Variants in NRG3 observed in about 807,000 individuals in gnomAD.
NRG3 encodes pro-neuregulin-3, membrane-bound isoform.
Under a neutral mutation model 66.9 loss-of-function variants are expected in NRG3, and 31 were observed. That is an observed-to-expected ratio of 0.46 (90% CI 0.35 to 0.63). The LOEUF is 0.63. Among genes scored for constraint, NRG3 ranks in the 20% least tolerant of loss-of-function variants. NRG3 has a pLI of 0.00. For missense variants in NRG3, 910 were observed against 878.9 expected (o/e 1.04, Z -0.45); for synonymous variants, 393 against 359.4 (o/e 1.09, Z -1.06).
chr10:82,691,406 C>T (rs989951157), intron 2 of NRG3, among the ~76,000 whole-genome samples: 1 of 152,160 alleles, frequency 6.6e-6, no homozygotes, highest in African/African-American at 2.4e-5. Flanking sequence ...TGTCTGCCTG[C>T]CAACCAGCTG....
intron 1 of NRG3, among the ~76,000 whole-genome samples, chr10:82,327,456 T>C (rs926290769): frequency 2.6e-5 from 4 of 152,194 alleles, no homozygotes; most frequent in African/African-American, 9.7e-5. Flanking sequence ...GCTTTATCTA[T>C]CTATCTTATT....
At chr10:82,047,809 T>C (rs2063380356) in intron 1 of NRG3, among the ~76,000 whole-genome samples, 1 of 152,026 alleles carries the variant, frequency 6.6e-6, no homozygotes, top group South Asian at 2.1e-4. Context: ...GACTGGCAAA[T>C]TGGATAGAGT....
chr10:82,874,562 T>C (rs113621635), intron 4 of NRG3, among the ~76,000 whole-genome samples: 2,699 of 152,248 alleles, frequency 0.018, 35 homozygotes, highest in Middle Eastern at 0.041. Context: ...AAGAGTTTAG[T>C]TTTGCTAGTG....
At chr10:82,331,483 G>A (rs1054787487) in intron 1 of NRG3, among the ~76,000 whole-genome samples, 2 of 152,062 alleles carry the variant, frequency 1.3e-5, no homozygotes, top group Admixed American at 6.6e-5. Context: ...AATTTCAATG[G>A]GAGCCAGGAA....
chr10:82,362,981 AC>A (rs1171740778), intron 2 of NRG3, among the ~76,000 whole-genome samples: 1 of 152,212 alleles, frequency 6.6e-6, no homozygotes, highest in African/African-American at 2.4e-5. Flanking sequence ...AATTGTAAGG[AC>A]CTTGTGAGCA....
intron 2 of NRG3, among the ~76,000 whole-genome samples, chr10:82,569,445 G>A (rs890233459): frequency 6.6e-6 from 1 of 151,542 alleles, no homozygotes; most frequent in Admixed American, 6.6e-5. Flanking sequence ...CAATATTGTT[G>A]GGAGAACCAG....
At chr10:82,162,739 C>T (rs2071697553) in intron 1 of NRG3, among the ~76,000 whole-genome samples, 3 of 152,148 alleles carry the variant, frequency 2.0e-5, no homozygotes, top group Admixed American at 6.6e-5. Context: ...GTGTTGCTTT[C>T]AAGAGAATTG....
chr10:82,029,099 C>T (rs1022255085), intron 1 of NRG3, among the ~76,000 whole-genome samples: 2 of 151,900 alleles, frequency 1.3e-5, no homozygotes, highest in African/African-American at 4.8e-5. Flanking sequence ...ATCCCAGCTG[C>T]TCGGGAGGCT....
chr10:82,317,167 A>G (rs1194493383), intron 1 of NRG3, among the ~76,000 whole-genome samples: 1 of 152,038 alleles, frequency 6.6e-6, no homozygotes, highest in Non-Finnish European at 1.5e-5. Flanking sequence ...TACAGAAGAC[A>G]GAGATTTCAA....
chr10:82,783,733 C>T (rs1230612138), intron 3 of NRG3, among the ~76,000 whole-genome samples: 3 of 152,182 alleles, frequency 2.0e-5, no homozygotes, highest in Non-Finnish European at 4.4e-5. Flanking sequence ...GAAGAACATT[C>T]CATGCTCGTG....
intron 1 of NRG3, among the ~76,000 whole-genome samples, chr10:82,178,613 A>G (rs2073204257): frequency 6.6e-6 from 1 of 152,168 alleles, no homozygotes; most frequent in Admixed American, 6.5e-5. Flanking sequence ...AATGCTGTTT[A>G]CCTATCAAAG....
At chr10:82,027,783 A>G (rs2062380093) in intron 1 of NRG3, among the ~76,000 whole-genome samples, 1 of 152,112 alleles carries the variant, frequency 6.6e-6, no homozygotes, top group African/African-American at 2.4e-5. Flanking sequence ...TTCTGAAAAG[A>G]GGCAAACTGA....
chr10:82,939,398 AT>A (rs1480599527), intron 4 of NRG3, among the ~76,000 whole-genome samples: 4 of 152,180 alleles, frequency 2.6e-5, no homozygotes, highest in Admixed American at 2.0e-4. Context: ...GAGTATCAAC[AT>A]TATTATAAAG....
intron 4 of NRG3, among the ~76,000 whole-genome samples, chr10:82,899,757 C>T (rs1460665940): frequency 1.3e-5 from 2 of 151,998 alleles, no homozygotes; most frequent in Non-Finnish European, 2.9e-5. Flanking sequence ...TTTCAAAGTA[C>T]CCTTAAAAAT....
At chr10:82,428,189 TA>T (rs1225164101) in intron 2 of NRG3, among the ~76,000 whole-genome samples, 1 of 151,906 alleles carries the variant, frequency 6.6e-6, no homozygotes, top group Non-Finnish European at 1.5e-5. Context: ...AGTTCTCTAC[TA>T]TTTTTTCCAA....
intron 2 of NRG3, among the ~76,000 whole-genome samples, chr10:82,490,035 C>T (rs1424627812): frequency 6.6e-6 from 1 of 152,102 alleles, no homozygotes; most frequent in African/African-American, 2.4e-5. Flanking sequence ...TATTAAGTGC[C>T]AGAACCAGGT....
chr10:82,818,052 C>T (rs1267706636), intron 3 of NRG3, among the ~76,000 whole-genome samples: 2 of 152,200 alleles, frequency 1.3e-5, no homozygotes, highest in African/African-American at 4.8e-5. Context: ...ATAGGCAGTG[C>T]GTGGAGAGTA....
At chr10:82,810,718 G>A (rs145610134) in intron 3 of NRG3, among the ~76,000 whole-genome samples, 1,851 of 136,982 alleles carry the variant, frequency 0.014, 45 homozygotes, top group African/African-American at 0.048. Context: ...AGCCAAGATC[G>A]CACCACTGCA....
At chr10:81,933,266 A>G (rs2133017850) in intron 1 of NRG3, among the ~76,000 whole-genome samples, 1 of 152,258 alleles carries the variant, frequency 6.6e-6, no homozygotes, top group East Asian at 1.9e-4. Flanking sequence ...TTCTTCCTAG[A>G]ATCCTTCAGA....
Sources: gnomAD v4.1 joint callset for allele counts (sites outside exome capture counted in the v4.1 genomes callset) on GRCh38, gnomAD v4.1.1 for gene constraint, MANE v1.5 for transcripts, NCBI Gene and HGNC (gene_info 2026-07-23, HGNC 2026-07-21) for gene names.